TRIM52: variants seen among roughly 807,000 people sequenced by gnomAD.
The protein encoded by TRIM52 is E3 ubiquitin-protein ligase TRIM52.
TRIM52 carries 24 observed loss-of-function variants against 27.0 expected under a neutral mutation model. The observed-to-expected ratio is 0.89, with a 90% CI of 0.64 to 1.25. TRIM52 has a LOEUF of 1.25. Among genes scored for constraint, TRIM52 ranks in the 50% most tolerant of loss-of-function variants. TRIM52 has a pLI of 0.00. For synonymous variants in TRIM52, 125 were observed against 126.5 expected (o/e 0.99, Z 0.08); for missense variants, 351 against 354.7 (o/e 0.99, Z 0.08).
At chr5:181,259,777 G>A in intron 1 of TRIM52, 2 of 907,996 alleles carry the variant, frequency 2.2e-6, no homozygotes, top group Non-Finnish European at 3.2e-6. Context: ...CATATTATCT[G>A]TTCAGCTTCC....
chr5:181,253,367 C>G (rs559119656), downstream of TRIM52, among the ~76,000 whole-genome samples: 30 of 142,578 alleles, frequency 2.1e-4, 1 homozygote, highest in East Asian at 2.0e-3. Flanking sequence ...GCTAGCTAGG[C>G]AAGCCTATTC....
rs1381770261 is a variant in TRIM52 at position 181,256,799 on chromosome 5, T to C, written c.*10A>G. Reference sequence around the variant, plus strand: ...TTAATGGCATGAATTTAACAGTGTTTGGCATGGTGTCACTGCCCAACACTT... The same window carrying C: ...TTAATGGCATGAATTTAACAGTGTTCGGCATGGTGTCACTGCCCAACACTT... On this transcript the variant is annotated 3_prime_UTR_variant, in exon 2 of 2. Coordinates refer to ENST00000688015, the MANE Select transcript of TRIM52 (RefSeq NM_001346048.2). 2.5e-5 allele frequency: 25 copies of C among 985,188 alleles called. No homozygotes were observed. The highest frequency in any genetic ancestry group is 3.0e-5 in the Non-Finnish European group (25 of 829,696). 61.0% of individuals were successfully genotyped at this position (985,188 alleles called of 1,614,324 possible).
At chr5:181,253,315 A>G (rs113623294), downstream of TRIM52, among the ~76,000 whole-genome samples, 1 of 142,394 alleles carries the variant, frequency 7.0e-6, no homozygotes, top group Non-Finnish European at 1.5e-5. Context: ...GATTACAGGC[A>G]TGAGCCACCG....
chr5:181,254,462 G>A (rs184600601), downstream of TRIM52: 2,177 of 151,472 alleles, frequency 0.014, 29 homozygotes, highest in African/African-American at 0.026. Flanking sequence ...TGCAACCTCC[G>A]CCTCCCGGGT....
In TRIM52 at chr5:181,256,682, C is replaced by G. The variant is rs2770965; in HGVS notation, c.*127G>C. 5,882 of 596,322 alleles carry G rather than the reference C, an allele frequency of 9.9e-3. 261 individuals are homozygous for G. The African/African-American group carries it at 0.1, about 10-fold the overall frequency. 36.9% of individuals were successfully genotyped at this position (596,322 alleles called of 1,614,324 possible). A position where few individuals can be genotyped will look rare whatever the true frequency, so the allele number is the denominator to read the frequency against. ...ATTAAAAGGGCTGTTTAATATTAAG[C>G]TTTCACGGCTTGGAAGATTCCTGTG... On this transcript the variant is annotated 3_prime_UTR_variant, in exon 2 of 2. Transcript: ENST00000688015.
downstream of TRIM52, among the ~76,000 whole-genome samples, chr5:181,252,902 G>A (rs73367920): frequency 0.017 from 2,588 of 152,158 alleles, 65 homozygotes; most frequent in African/African-American, 0.059. Flanking sequence ...TATCTGTCAC[G>A]GTTCTTGTTC....
chr5:181,249,180 T>A (rs11249780), downstream of TRIM52, among the ~76,000 whole-genome samples: 65,743 of 152,096 alleles, frequency 0.43, 19,380 homozygotes, highest in African/African-American at 0.85. Flanking sequence ...CACTGCAGTA[T>A]TCAAGACAAA....
downstream of TRIM52, among the ~76,000 whole-genome samples, chr5:181,250,689 C>T (rs766347981): frequency 6.6e-6 from 1 of 152,138 alleles, no homozygotes; most frequent in African/African-American, 2.4e-5. Flanking sequence ...GTCATATAAA[C>T]CAGAGTGCGA....
In TRIM52 at chr5:181,255,602, A is replaced by G. The variant is rs1016755655; in HGVS notation, c.*1207T>C. 3.9e-5 allele frequency: 6 copies of G among 152,332 alleles called. No individual in the cohort carries two copies. The highest frequency in any genetic ancestry group is 1.3e-4 in the Admixed American group (2 of 15,296). The allele number at this position is 152,332 out of a possible 1,614,324, so 9.4% of individuals were successfully genotyped here. A position where few individuals can be genotyped will look rare whatever the true frequency, so the allele number is the denominator to read the frequency against. ...CAAGTATTTCACTTTTTCCCTTCAA[A>G]TAACACTCATGAATCTGGTCCTTGA... On this transcript the variant is annotated 3_prime_UTR_variant, in exon 2 of 2. Transcript: ENST00000688015.
At chr5:181,251,303 A>G (rs1310537460), downstream of TRIM52, among the ~76,000 whole-genome samples, 1 of 151,754 alleles carries the variant, frequency 6.6e-6, no homozygotes, top group African/African-American at 2.4e-5. Flanking sequence ...AAAAAAAAAG[A>G]AAAAAGATGA....
chr5:181,252,193 A>G (rs1006471411), downstream of TRIM52, among the ~76,000 whole-genome samples: 4 of 152,038 alleles, frequency 2.6e-5, no homozygotes, highest in Non-Finnish European at 4.4e-5. Flanking sequence ...CTTACAGCCT[A>G]CCGCTCCCAG....
chr5:181,254,221 C>T (rs1323477016), downstream of TRIM52, among the ~76,000 whole-genome samples: 1 of 135,702 alleles, frequency 7.4e-6, no homozygotes, highest in African/African-American at 3.2e-5. Flanking sequence ...ATCCAGGAGG[C>T]GGAGCTGGCA....
intron 1 of TRIM52, chr5:181,257,130 T>C (rs1185174130): frequency 1.6e-5 from 17 of 1,089,042 alleles, no homozygotes; most frequent in Non-Finnish European, 1.2e-5. Flanking sequence ...TGACACCATT[T>C]AATGGTGCCC....
At chr5:181,259,852 T>A (rs1759953381) in intron 1 of TRIM52, 149 bp downstream of exon 1, 1 of 1,518,990 alleles carries the variant, frequency 6.6e-7, no homozygotes, top group Non-Finnish European at 8.8e-7. Context: ...CATATGACCA[T>A]CTCTCTCCAC....
Position 181,256,189 on chromosome 5 carries a change from T to A in TRIM52, c.*620A>T, listed in dbSNP as rs1161448948. 1 of 152,202 alleles carries A rather than the reference T, an allele frequency of 6.6e-6. No individual in the cohort carries two copies. Among genetic ancestry groups the A allele is most frequent in the Non-Finnish European group, 1.5e-5 (1 of 68,028 alleles). The allele number at this position is 152,202 out of a possible 1,614,324, so 9.4% of individuals were successfully genotyped here. A position where few individuals can be genotyped will look rare whatever the true frequency, so the allele number is the denominator to read the frequency against. ...GTAGTGCCATTAAGATATACTCCTA[T>A]ACAATTTCCTCCAACTCGGTTCATT... On this transcript the variant is annotated 3_prime_UTR_variant, in exon 2 of 2. Coordinates refer to ENST00000688015, the MANE Select transcript of TRIM52 (RefSeq NM_001346048.2).
At position 181,256,847 on chromosome 5, in the gene TRIM52, T is replaced by A. The variant is rs571983256; in HGVS notation, c.826A>T (p.Thr276Ser). 1.0e-6 allele frequency: 1 copy of A among 985,368 alleles called. No individual in the cohort carries two copies. Among genetic ancestry groups the A allele is most frequent in the Admixed American group, 6.2e-5 (1 of 16,258 alleles). The allele number at this position is 985,368 out of a possible 1,614,324, so 61.0% of individuals were successfully genotyped here. The part of the protein sequence containing the change: ...VVQEYQKIGS[T>S]SSVELSESVG... ...CTTTCAGATAACTCAACTGAAGAAG[T>A]TGACCCTATCTTCTGCAAAATAACA... The change falls in exon 2 of 2, where the codon ACT becomes TCT. Residue 276 changes from threonine (T) to serine (S), a missense_variant. Transcript: ENST00000688015.
At chr5:181,252,353 A>C (rs1759653862), downstream of TRIM52, among the ~76,000 whole-genome samples, 1 of 152,202 alleles carries the variant, frequency 6.6e-6, no homozygotes, top group Admixed American at 6.5e-5. Flanking sequence ...GGCTAATTAA[A>C]ATTAAATTAA....
Position 181,260,405 on chromosome 5 carries a change from C to A in TRIM52, c.409G>T (p.Gly137Ter), listed in dbSNP as rs1480336879. The A allele has an allele frequency of 6.2e-7, 1 of 1,608,282 alleles. No homozygotes were observed. Among genetic ancestry groups the A allele is most frequent in the African/African-American group, 1.4e-5 (1 of 70,436 alleles). Reference protein sequence around the residue: ...EEEEDQDYYLGGLRPDLRIDV... With the variant: ...EEEEDQDYYL ...ATTCTCAGGTCAGGTCTCAAGCCTCCTAGGTAATAGTCCTGATCTTCCTCT... is the reference window on the plus strand; with the variant it reads ...ATTCTCAGGTCAGGTCTCAAGCCTCATAGGTAATAGTCCTGATCTTCCTCT... Residue 137 changes from glycine (G) to a stop codon, truncating the protein, a stop_gained, in exon 1 of 2, where the codon GGA (glycine) becomes TGA (stop). Coordinates refer to ENST00000688015, the MANE Select transcript of TRIM52 (RefSeq NM_001346048.2). LOFTEE classifies it high-confidence loss of function. This position sits in a 1 kb window ranked among gnomAD's most constrained non-coding sequence, Gnocchi z 4.4.
rs1454510640 is a variant in TRIM52, at chr5:181,258,757, T to G, written c.813+1244A>C. The G allele has an allele frequency of 6.6e-5, 10 of 151,876 alleles. No individual in the cohort carries two copies. In the East Asian group the frequency reaches 1.9e-3, roughly 29 times the overall value. 9.4% of individuals were successfully genotyped at this position (151,876 alleles called of 1,614,324 possible). A position where few individuals can be genotyped will look rare whatever the true frequency, so the allele number is the denominator to read the frequency against. On this transcript the variant is annotated intron_variant, in intron 1 of 1. Transcript: ENST00000688015. ...TATATACATGTATATATATATAACTTAAAAGTTTCATAAAGCAGTACTTAC... is the reference window on the plus strand; with the variant it reads ...TATATACATGTATATATATATAACTGAAAAGTTTCATAAAGCAGTACTTAC...
Sources: gnomAD v4.1 joint callset for allele counts (sites outside exome capture counted in the v4.1 genomes callset) on GRCh38, gnomAD v4.1.1 for gene constraint, Gnocchi (gnomAD v3.1) non-coding constraint, MANE v1.5 for transcripts, NCBI Gene and HGNC (gene_info 2026-07-23, HGNC 2026-07-21) for gene names.